Variants in FANCD2 observed in about 807,000 individuals in gnomAD.
The protein encoded by FANCD2 is FA complementation group D2.
In FANCD2, 131 loss-of-function variants were observed where a neutral mutation model predicts 192.3. The ratio of observed to expected loss-of-function variants is 0.68; its 90% confidence interval spans 0.59 to 0.79. The LOEUF (loss-of-function observed/expected upper bound fraction) is 0.79, where lower values mean the gene tolerates loss of function less well. Among genes scored for constraint, FANCD2 ranks in the 30% least tolerant of loss-of-function variants. The probability of loss-of-function intolerance (pLI) is 0.00; values close to 1 mark genes in which losing one functional copy is unlikely to be tolerated. For missense variants in FANCD2, 1,508 were observed against 1,701.6 expected, an observed-to-expected ratio of 0.89 and a Z score of 2.00; for synonymous variants, 524 against 612.5, an observed-to-expected ratio of 0.86 and a Z score of 2.13.
intron 36 of FANCD2, among the ~76,000 whole-genome samples, chr3:10,089,438 C>G (rs182181301): frequency 6.6e-6 from 1 of 152,198 alleles, no homozygotes; most frequent in Admixed American, 6.5e-5. Flanking sequence ...GGGCTCTCAG[C>G]TAATATATTT....
chr3:10,071,614 C>T (rs772026036), intron 26 of FANCD2, among the ~76,000 whole-genome samples: 43 of 152,018 alleles, frequency 2.8e-4, no homozygotes, highest in Non-Finnish European at 5.4e-4. Context: ...TTTGTGGGAG[C>T]TGAAAATTAA....
At chr3:10,101,001 A>G (rs1344611862) in intron 43 of FANCD2, among the ~76,000 whole-genome samples, 187 bp from the exon 44 acceptor site, 1 of 152,022 alleles carries the variant, frequency 6.6e-6, no homozygotes, top group East Asian at 1.9e-4. Flanking sequence ...CCCGGGAGGC[A>G]GAGGTTGCAG....
chr3:10,074,438 A>T lies in FANCD2; in HGVS notation c.2716-92A>T. 3.4e-6 allele frequency: 4 copies of T among 1,162,866 alleles called. No homozygotes were observed. The Admixed American group carries it at 9.3e-5, about 27-fold the overall frequency. The allele number at this position is 1,162,866 out of a possible 1,614,324, so 72.0% of individuals were successfully genotyped here. A position where few individuals can be genotyped will look rare whatever the true frequency, so the allele number is the denominator to read the frequency against. ...ATGAAAATGTAATTTTTTGCATTAA[A>T]TAAATGCATATTTGTACTTTGAAGT... On this transcript the variant is annotated intron_variant, in intron 28 of 43. Transcript: ENST00000675286.
At chr3:10,059,809 G>GAA (rs72492715) in intron 18 of FANCD2, among the ~76,000 whole-genome samples, 1 of 129,874 alleles carries the variant, frequency 7.7e-6, no homozygotes, top group African/African-American at 2.8e-5. Context: ...CCTTCTCAAA[G>GAA]AAAAAAAAAA....
rs574454997 is a variant in FANCD2, at chr3:10,069,855, C to T, written c.2494+2538C>T. Among the ~76,000 whole-genome samples, 1,350 of 151,780 alleles carry T rather than the reference C, an allele frequency of 8.9e-3. 9 individuals are homozygous for T. The highest frequency in any genetic ancestry group is 0.015 in the Non-Finnish European group (994 of 67,902). On this transcript the variant is annotated intron_variant, in intron 26 of 43. Transcript: ENST00000675286. ...CACCTGCCTTGGCCTCCCAAAGTGC[C>T]GAGATTGCAGCCTCTGCCCGGCCGC...
In FANCD2 at chr3:10,063,820, C is replaced by G; in HGVS notation, c.1856C>G (p.Ser619Cys). ...ACCTCCTTGTTGCAGTTGGTTCATT[C>G]CTGCAGTGAGCAGTCTCCTCAGGCC... is the stretch of plus-strand genomic sequence containing the variant. ...QVTSLLQLVH[S>C]CSEQSPQASA... Residue 619 changes from serine to cysteine, a missense_variant, in exon 21 of 44, where the codon TCC becomes TGC. By Grantham distance (112) the Ser-to-Cys change is moderately radical (BLOSUM62 -1). This residue lies in a region of FANCD2 where 59 missense variants were observed against 111.9 expected (regional missense o/e 0.53). Coordinates refer to ENST00000675286, the MANE Select transcript of FANCD2 (RefSeq NM_001018115.3). The G allele has an allele frequency of 6.2e-7, 1 of 1,614,188 alleles. No individual in the cohort carries two copies. The highest frequency in any genetic ancestry group is 1.1e-5 in the South Asian group (1 of 91,084).
intron 40 of FANCD2, 177 bp from the exon 41 acceptor site, chr3:10,095,023 T>C (rs1694868876): frequency 1.6e-6 from 1 of 639,524 alleles, no homozygotes; most frequent in African/African-American, 1.8e-5. Context: ...AATGGGAGAG[T>C]TGAGAATAAG....
At chr3:10,037,339 T>C (rs1204674044) in intron 7 of FANCD2, among the ~76,000 whole-genome samples, 1 of 152,246 alleles carries the variant, frequency 6.6e-6, no homozygotes. Context: ...CATTTTTTCC[T>C]ACTCTCAAAG....
rs759516610 is a variant in FANCD2, at chr3:10,081,449, A to C, written c.3209A>C (p.His1070Pro). ...TATCAGAGGCTGCTGCAGATTTTTC[A>C]TGGGCTTTTTGCTTGGTAAGTATGT... ...SCYQRLLQIF[H>P]GLFAWSGFSQ... Residue 1070 changes from histidine to proline, a missense_variant, in exon 32 of 44, where the codon CAT becomes CCT. Physicochemically the swap from His to Pro is moderately conservative, Grantham distance 77. Around this residue, in one of 5 missense-constraint regions of FANCD2, gnomAD observed 796 missense variants for 879.4 expected, o/e 0.91. Coordinates refer to ENST00000675286, the MANE Select transcript of FANCD2 (RefSeq NM_001018115.3). The C allele has an allele frequency of 6.2e-7, 1 of 1,612,856 alleles. No individual in the cohort carries two copies. Among genetic ancestry groups the C allele is most frequent in the Non-Finnish European group, 8.5e-7 (1 of 1,178,942 alleles).
intron 34 of FANCD2, among the ~76,000 whole-genome samples, chr3:10,088,146 A>G (rs937160707): frequency 6.6e-5 from 10 of 152,116 alleles, no homozygotes; most frequent in African/African-American, 2.4e-4. Flanking sequence ...TGGCCTTCCC[A>G]CTGCCCAGCA....
chr3:10,077,731 A>T (rs1361559578), intron 29 of FANCD2, among the ~76,000 whole-genome samples: 1 of 152,102 alleles, frequency 6.6e-6, no homozygotes. Context: ...GTATAAAAAA[A>T]TTTAAAAATT....
In FANCD2 at chr3:10,088,824, G is replaced by T. The variant is rs1694400747; in HGVS notation, c.3561-4G>T. 6.2e-7 allele frequency: 1 copy of T among 1,613,848 alleles called. No individual in the cohort carries two copies. The highest frequency in any genetic ancestry group is 8.5e-7 in the Non-Finnish European group (1 of 1,179,906). ...GTGGGTCAAATATTTGACTCTCAATGCAGTATCTACCTGGAGCACACAGAG... is the reference window on the plus strand; with the variant it reads ...GTGGGTCAAATATTTGACTCTCAATTCAGTATCTACCTGGAGCACACAGAG... On this transcript the variant is annotated splice_polypyrimidine_tract_variant and splice_region_variant and intron_variant, in intron 35 of 43. Transcript: ENST00000675286.
At chr3:10,098,340 C>T (rs1046726633) in intron 42 of FANCD2, among the ~76,000 whole-genome samples, 6 of 152,144 alleles carry the variant, frequency 3.9e-5, no homozygotes, top group African/African-American at 1.4e-4. Context: ...ACCATACTGT[C>T]CTTTAGCCTC....
At chr3:10,095,399 T>A in intron 41 of FANCD2, 125 bp downstream of exon 41, 1 of 809,232 alleles carries the variant, frequency 1.2e-6, no homozygotes, top group Non-Finnish European at 2.1e-6. Flanking sequence ...CCAAAGGCAG[T>A]TTATTCAGAG....
At chr3:10,051,800 T>G (rs2087227888) in intron 17 of FANCD2, among the ~76,000 whole-genome samples, 1 of 152,154 alleles carries the variant, frequency 6.6e-6, no homozygotes, top group African/African-American at 2.4e-5. Context: ...CCATGAAAGG[T>G]AGTATAGCTA....
rs575491018 is a variant in FANCD2, at chr3:10,045,893, C to G, written c.1135-687C>G. 1.2e-4 allele frequency: 18 copies of G among 152,338 alleles called. No homozygotes were observed. In the East Asian group the frequency reaches 3.1e-3, roughly 26 times the overall value. The allele number at this position is 152,338 out of a possible 1,614,324, so 9.4% of individuals were successfully genotyped here. A position where few individuals can be genotyped will look rare whatever the true frequency, so the allele number is the denominator to read the frequency against. On this transcript the variant is annotated intron_variant, in intron 14 of 43. Transcript: ENST00000675286. ...GGGATTACAGGCGTGAGCCACCGTG[C>G]CTGGCCTAGTAATTTTCCTAGTAAT...
At position 10,074,515 on chromosome 3, in the gene FANCD2, G is replaced by T; in HGVS notation, c.2716-15G>T. The stretch of plus-strand genomic sequence containing the variant: ...AGATTTATATATTCTCTTTGTTGCT[G>T]TGACTTCCCCATAGGAGTTCACAGG... On this transcript the variant is annotated splice_polypyrimidine_tract_variant and intron_variant, in intron 28 of 43. Transcript: ENST00000675286. The T allele has an allele frequency of 6.2e-7, 1 of 1,609,756 alleles. No individual in the cohort carries two copies. The highest frequency in any genetic ancestry group is 8.5e-7 in the Non-Finnish European group (1 of 1,177,106).
At chr3:10,069,724 G>A (rs942178346) in intron 26 of FANCD2, among the ~76,000 whole-genome samples, 6 of 152,118 alleles carry the variant, frequency 3.9e-5, no homozygotes, top group Admixed American at 2.0e-4. Context: ...TCAGCCTCCC[G>A]AGGTGCCGGG....
At position 10,029,689 on chromosome 3, in the gene FANCD2, A is replaced by C. The variant is rs112895735; in HGVS notation, c.64+968A>C. 4.3e-3 allele frequency among the ~76,000 whole-genome samples: 657 copies of C among 152,280 alleles called. 4 individuals carry two copies. Among genetic ancestry groups the C allele is most frequent in the African/African-American group, 0.015 (625 of 41,556 alleles). The stretch of plus-strand genomic sequence containing the variant: ...ATTTTGGTGCACCTGTCACCCGAAA[A>C]GTGTATGGTGTACCCAATGTGTATT... On this transcript the variant is annotated intron_variant, in intron 2 of 43. Transcript: ENST00000675286.
Sources: gnomAD v4.1 joint callset for allele counts (sites outside exome capture counted in the v4.1 genomes callset) on GRCh38, gnomAD v4.1.1 for gene constraint, gnomAD v4.1.1 regional missense constraint, MANE v1.5 for transcripts, NCBI Gene and HGNC (gene_info 2026-07-23, HGNC 2026-07-21) for gene names.